The following KCND2 variants were observed in gnomAD, a reference collection of about 807,000 sequenced individuals.
The protein encoded by KCND2 is A-type voltage-gated potassium channel KCND2.
KCND2 carries 16 observed loss-of-function variants against 54.4 expected under a neutral mutation model. The observed-to-expected ratio is 0.29, with a 90% CI of 0.20 to 0.45. The LOEUF (loss-of-function observed/expected upper bound fraction) is 0.45, where lower values mean the gene tolerates loss of function less well. Among genes scored for constraint, KCND2 ranks in the 20% least tolerant of loss-of-function variants. The pLI is 1.00. For synonymous variants in KCND2, 317 were observed against 310.7 expected (o/e 1.02, Z -0.21); for missense variants, 486 against 824.2 (o/e 0.59, Z 5.02).
chr7:120,453,705 A>C lies in KCND2; in HGVS notation c.1115+177958A>C, dbSNP rs138162535. Among the ~76,000 whole-genome samples the C allele has an allele frequency of 1.3e-3, 205 of 152,368 alleles. 1 individual carries two copies. The highest frequency in any genetic ancestry group is 4.9e-3 in the African/African-American group (202 of 41,584). ...AAATAAAGGTAGAAATCAAGTAATG[A>C]AAACGAATATATTAATACTAGAATT... On this transcript the variant is annotated intron_variant, in intron 1 of 5. Transcript: ENST00000331113.
intron 1 of KCND2, among the ~76,000 whole-genome samples, chr7:120,639,501 C>T (rs1176490485): frequency 6.6e-6 from 1 of 152,150 alleles, no homozygotes; most frequent in African/African-American, 2.4e-5. Flanking sequence ...ACTCCACCCC[C>T]TGGGAAAAAA....
intron 1 of KCND2, among the ~76,000 whole-genome samples, chr7:120,409,071 A>G (rs1446585908): frequency 6.6e-6 from 1 of 151,956 alleles, no homozygotes; most frequent in Non-Finnish European, 1.5e-5. Flanking sequence ...GGTCATTGCT[A>G]CATATTTTAA....
rs950192729 is a variant in KCND2 at position 120,504,585 on chromosome 7, C to G, written c.1116-228318C>G. 2.0e-5 allele frequency among the ~76,000 whole-genome samples: 3 copies of G among 151,802 alleles called. No individual in the cohort carries two copies. The Admixed American group carries it at 2.0e-4, about 10-fold the overall frequency. On this transcript the variant is annotated intron_variant, in intron 1 of 5. Coordinates refer to ENST00000331113, the MANE Select transcript of KCND2 (RefSeq NM_012281.3). ...GGAGACAATCCAAAGAGTAGATCAT[C>G]TTGGTGTGTAATTTACTGAAAGTTT...
chr7:120,653,638 T>C (rs1298477749), intron 1 of KCND2, among the ~76,000 whole-genome samples: 1 of 152,212 alleles, frequency 6.6e-6, no homozygotes, highest in Non-Finnish European at 1.5e-5. Context: ...GGAACAATAA[T>C]ATTATTTACA....
Position 120,747,944 on chromosome 7 carries a change from C to A in KCND2, c.*86C>A. 1 of 1,098,754 alleles carries A rather than the reference C, an allele frequency of 9.1e-7. No homozygotes were observed. Among genetic ancestry groups the A allele is most frequent in the Non-Finnish European group, 1.4e-6 (1 of 739,610 alleles). The allele number at this position is 1,098,754 out of a possible 1,614,324, so 68.1% of individuals were successfully genotyped here. A position where few individuals can be genotyped will look rare whatever the true frequency, so the allele number is the denominator to read the frequency against. On this transcript the variant is annotated 3_prime_UTR_variant, in exon 6 of 6. Coordinates refer to ENST00000331113, the MANE Select transcript of KCND2 (RefSeq NM_012281.3). ...GAAGAAAGAAGAAACAATAAATATT[C>A]TGCAGATTAATGCAGCAAAGAAAGA...
intron 1 of KCND2, among the ~76,000 whole-genome samples, chr7:120,333,918 A>G (rs1469214924): frequency 6.6e-6 from 1 of 152,136 alleles, no homozygotes; most frequent in Non-Finnish European, 1.5e-5. Context: ...ATGTGACTAC[A>G]TTTTTTAAAA....
intron 1 of KCND2, among the ~76,000 whole-genome samples, chr7:120,332,211 A>C (rs1200317313): frequency 6.6e-6 from 1 of 152,102 alleles, no homozygotes; most frequent in Admixed American, 6.5e-5. Flanking sequence ...TCTTCTTACC[A>C]AATTACAATA....
chr7:120,285,983 ATAG>A (rs1163843635), intron 1 of KCND2, among the ~76,000 whole-genome samples: 2 of 151,928 alleles, frequency 1.3e-5, no homozygotes, highest in Non-Finnish European at 2.9e-5. Flanking sequence ...AAATACATTC[ATAG>A]TTATCTAAAT....
At chr7:120,480,507 C>T (rs1802592637) in intron 1 of KCND2, among the ~76,000 whole-genome samples, 1 of 152,172 alleles carries the variant, frequency 6.6e-6, no homozygotes, top group Non-Finnish European at 1.5e-5. Context: ...GTAATGAGTT[C>T]TGCATCTGTG....
At chr7:120,522,366 T>C (rs538860229) in intron 1 of KCND2, among the ~76,000 whole-genome samples, 4 of 152,314 alleles carry the variant, frequency 2.6e-5, no homozygotes, top group East Asian at 1.9e-4. Flanking sequence ...CAAGGACTTA[T>C]GGCGTGACCC....
chr7:120,481,204 T>A (rs1284498669), intron 1 of KCND2, among the ~76,000 whole-genome samples: 1 of 152,206 alleles, frequency 6.6e-6, no homozygotes, highest in Non-Finnish European at 1.5e-5. Context: ...ATTGTGTTCA[T>A]GCCTGAGGGC....
intron 1 of KCND2, among the ~76,000 whole-genome samples, chr7:120,509,468 T>C (rs1803079702): frequency 6.6e-6 from 1 of 152,070 alleles, no homozygotes; most frequent in Admixed American, 6.6e-5. Flanking sequence ...TTTTATTACA[T>C]TATCCAGAGA....
intron 1 of KCND2, among the ~76,000 whole-genome samples, chr7:120,329,713 A>C (rs1221325113): frequency 2.6e-5 from 4 of 152,138 alleles, no homozygotes. Context: ...GATTTGATAA[A>C]ATTCTTTCAA....
At position 120,748,062 on chromosome 7, in the gene KCND2, T is replaced by C; in HGVS notation, c.*204T>C. 3 of 498,834 alleles carry C rather than the reference T, an allele frequency of 6.0e-6. No homozygotes were observed. Among genetic ancestry groups the C allele is most frequent in the Non-Finnish European group, 1.1e-5 (3 of 278,998 alleles). 30.9% of individuals were successfully genotyped at this position (498,834 alleles called of 1,614,324 possible). A position where few individuals can be genotyped will look rare whatever the true frequency, so the allele number is the denominator to read the frequency against. On this transcript the variant is annotated 3_prime_UTR_variant, in exon 6 of 6. Coordinates refer to ENST00000331113, the MANE Select transcript of KCND2 (RefSeq NM_012281.3). ...AGACAGTTTGACCTGTTATACAGAGTAATATTCTGTGGCCCTTTGACTTTG... is the reference window on the plus strand; with the variant it reads ...AGACAGTTTGACCTGTTATACAGAGCAATATTCTGTGGCCCTTTGACTTTG...
In KCND2 at chr7:120,534,774, TA is replaced by T. The variant is rs892239886; in HGVS notation, c.1116-198121del. On this transcript the variant is annotated intron_variant, in intron 1 of 5. Coordinates refer to ENST00000331113, the MANE Select transcript of KCND2 (RefSeq NM_012281.3). ...CCATAAATCTAAATCTACTCTCAAA[TA>T]AAAAAAAGGTTATTTAAATTTAAGG... 5.3e-5 allele frequency among the ~76,000 whole-genome samples: 8 copies of T among 151,640 alleles called. 1 individual carries two copies. The highest frequency in any genetic ancestry group is 1.2e-4 in the African/African-American group (5 of 41,324).
At chr7:120,414,350 A>T (rs1563038568) in intron 1 of KCND2, among the ~76,000 whole-genome samples, 1 of 152,148 alleles carries the variant, frequency 6.6e-6, no homozygotes, top group Non-Finnish European at 1.5e-5. Flanking sequence ...TCAACTGTCA[A>T]AAAGTAATTA....
At chr7:120,337,960 C>G (rs576196570) in intron 1 of KCND2, among the ~76,000 whole-genome samples, 1 of 152,100 alleles carries the variant, frequency 6.6e-6, no homozygotes, top group Non-Finnish European at 1.5e-5. Flanking sequence ...AAAAGTCAAG[C>G]TGTTTTACAT....
chr7:120,723,243 G>GGGAC (rs1304978233), intron 1 of KCND2, among the ~76,000 whole-genome samples: 1 of 152,136 alleles, frequency 6.6e-6, no homozygotes, highest in African/African-American at 2.4e-5. Context: ...GGCATTCACT[G>GGGAC]GGACTTTGAT....
intron 1 of KCND2, among the ~76,000 whole-genome samples, chr7:120,554,110 A>G (rs926986747): frequency 6.6e-6 from 1 of 152,222 alleles, no homozygotes; most frequent in African/African-American, 2.4e-5. Context: ...GAGATGATTC[A>G]AAGCCCAATC....
Sources: gnomAD v4.1 joint callset for allele counts (sites outside exome capture counted in the v4.1 genomes callset) on GRCh38, gnomAD v4.1.1 for gene constraint, MANE v1.5 for transcripts, NCBI Gene and HGNC (gene_info 2026-07-23, HGNC 2026-07-21) for gene names.